The following PRORP variants were observed in gnomAD, a reference collection of about 807,000 sequenced individuals.
The protein encoded by PRORP is protein only RNase P catalytic subunit.
In PRORP, 51 loss-of-function variants were observed where a neutral mutation model predicts 59.4. The ratio of observed to expected loss-of-function variants is 0.86; its 90% CI spans 0.69 to 1.08. The LOEUF (loss-of-function observed/expected upper bound fraction) is 1.08. PRORP is among the 50% of genes least tolerant of loss of function. The probability of loss-of-function intolerance (pLI) is 0.00; values close to 1 mark genes in which losing one functional copy is unlikely to be tolerated. For missense variants in PRORP, 646 were observed against 690.3 expected, an observed-to-expected ratio of 0.94 and a Z score of 0.72; for synonymous variants, 231 against 245.6, an observed-to-expected ratio of 0.94 and a Z score of 0.55.
At chr14:35,235,633 C>G (rs1013569570) in intron 5 of PRORP, 27 of 456,044 alleles carry the variant, frequency 5.9e-5, no homozygotes, top group Non-Finnish European at 1.1e-4. Context: ...CCTGGACAAA[C>G]AGCCTCTGCT....
chr14:35,127,662 G>T, intron 4 of PRORP, 51 bp downstream of exon 4: 2 of 1,600,524 alleles, frequency 1.2e-6, no homozygotes, highest in Non-Finnish European at 1.7e-6. Context: ...TAGAGCAGGG[G>T]TTAGCAATTT....
At chr14:35,201,744 C>T (rs61989543) in intron 5 of PRORP, among the ~76,000 whole-genome samples, 24,100 of 151,286 alleles carry the variant, frequency 0.16, 2,239 homozygotes, top group Middle Eastern at 0.24. Context: ...CTGCAACCTC[C>T]GCCTCCCAGT....
At chr14:35,148,940 A>G (rs1279266511) in intron 4 of PRORP, among the ~76,000 whole-genome samples, 13 of 94,612 alleles carry the variant, frequency 1.4e-4, no homozygotes, top group Admixed American at 7.4e-4. Context: ...TTTTTTTGAG[A>G]CGGAGTCTCG....
intron 5 of PRORP, among the ~76,000 whole-genome samples, chr14:35,242,023 G>A (rs896661579): frequency 2.6e-5 from 4 of 152,068 alleles, no homozygotes; most frequent in African/African-American, 7.2e-5. Flanking sequence ...ATATCCACCC[G>A]TGCTTCAGGT....
chr14:35,186,472 C>T (rs954076049), intron 5 of PRORP, among the ~76,000 whole-genome samples: 2 of 151,866 alleles, frequency 1.3e-5, no homozygotes, highest in Admixed American at 6.6e-5. Context: ...TATCCTATTC[C>T]AGGACATTTT....
rs181305215 is a variant in PRORP, at chr14:35,137,949, T to C, written c.1167+10338T>C. 9.4e-4 allele frequency among the ~76,000 whole-genome samples: 137 copies of C among 145,956 alleles called. 22 individuals are homozygous for C. The Middle Eastern group carries it at 0.014, about 15-fold the overall frequency. On this transcript the variant is annotated intron_variant, in intron 4 of 7. Coordinates refer to ENST00000534898, the MANE Select transcript of PRORP (RefSeq NM_014672.4). ...GTTTTGGTTGGTTGGTTGTTTTTTTTCCTCACCATTTGTATTAATTTGCTA... is the reference window on the plus strand; with the variant it reads ...GTTTTGGTTGGTTGGTTGTTTTTTTCCCTCACCATTTGTATTAATTTGCTA...
intron 5 of PRORP, among the ~76,000 whole-genome samples, chr14:35,242,431 T>G (rs2050390263): frequency 6.6e-6 from 1 of 152,174 alleles, no homozygotes. Flanking sequence ...TGAGTATTGT[T>G]TTTCTTCCTT....
chr14:35,243,561 G>A (rs2050415287), intron 5 of PRORP, among the ~76,000 whole-genome samples: 2 of 151,824 alleles, frequency 1.3e-5, no homozygotes, highest in African/African-American at 4.8e-5. Context: ...ATAAGGGACA[G>A]GTTTAATAAG....
At chr14:35,260,656 A>G (rs2050879753) in intron 5 of PRORP, among the ~76,000 whole-genome samples, 1 of 152,230 alleles carries the variant, frequency 6.6e-6, no homozygotes, top group Admixed American at 6.5e-5. Flanking sequence ...TTGCATAGCA[A>G]CAGTCATGTG....
At chr14:35,216,254 T>A (rs887633252) in intron 5 of PRORP, among the ~76,000 whole-genome samples, 6 of 150,976 alleles carry the variant, frequency 4.0e-5, no homozygotes, top group African/African-American at 1.5e-4. Flanking sequence ...ATATATAAAT[T>A]ATGTGTGCGT....
At chr14:35,226,372 C>T (rs1281439370) in intron 5 of PRORP, among the ~76,000 whole-genome samples, 1 of 152,230 alleles carries the variant, frequency 6.6e-6, no homozygotes, top group Non-Finnish European at 1.5e-5. Context: ...AATGTTTAGG[C>T]AAAGAGCTAA....
chr14:35,175,975 C>T (rs1033407410), intron 4 of PRORP, among the ~76,000 whole-genome samples: 2 of 152,066 alleles, frequency 1.3e-5, no homozygotes, highest in Non-Finnish European at 2.9e-5. Flanking sequence ...CCAGTTTTCC[C>T]AGCACCATTT....
At chr14:35,159,744 A>T (rs2138942443) in intron 4 of PRORP, among the ~76,000 whole-genome samples, 1 of 152,302 alleles carries the variant, frequency 6.6e-6, no homozygotes, top group Non-Finnish European at 1.5e-5. Flanking sequence ...TCTCTCCTTG[A>T]CAAATGAGGA....
At chr14:35,147,159 A>G (rs558249555) in intron 4 of PRORP, among the ~76,000 whole-genome samples, 312 of 152,280 alleles carry the variant, frequency 2.0e-3, no homozygotes, top group African/African-American at 7.2e-3. Context: ...CAATAGCATT[A>G]TGTCTAAAAA....
intron 5 of PRORP, among the ~76,000 whole-genome samples, chr14:35,183,424 A>G (rs2048668367): frequency 6.6e-6 from 1 of 152,166 alleles, no homozygotes; most frequent in African/African-American, 2.4e-5. Flanking sequence ...CATTCTTGAT[A>G]AATATTTTAA....
At chr14:35,155,084 G>A (rs909031366) in intron 4 of PRORP, among the ~76,000 whole-genome samples, 2 of 151,986 alleles carry the variant, frequency 1.3e-5, no homozygotes, top group Non-Finnish European at 1.5e-5. Context: ...TGTAGAGAGG[G>A]GGTTTCACCA....
chr14:35,180,702 T>C lies in PRORP; in HGVS notation c.1200T>C (p.Ser400=). The change falls in exon 5 of 8, where the codon TCT becomes TCC. Residue 400 remains serine (S), a synonymous_variant. Transcript: ENST00000534898. ...ELKRFENFIK[S]RPPFDVVIDG... is the part of the protein sequence containing the mutation. Reference sequence around the variant, plus strand: ...AGAGATTTGAGAACTTCATAAAATCTCGTCCTCCTTTTGATGTTGTCATTG... The same window carrying C: ...AGAGATTTGAGAACTTCATAAAATCCCGTCCTCCTTTTGATGTTGTCATTG... 6.2e-7 allele frequency: 1 copy of C among 1,612,706 alleles called. No individual in the cohort carries two copies. Among genetic ancestry groups the C allele is most frequent in the Non-Finnish European group, 8.5e-7 (1 of 1,179,042 alleles).
chr14:35,124,716 T>C (rs1179379324), intron 2 of PRORP, among the ~76,000 whole-genome samples: 3 of 147,310 alleles, frequency 2.0e-5, no homozygotes, highest in South Asian at 2.2e-4. Flanking sequence ...TAGTATGATG[T>C]GAGTACTTAA....
At chr14:35,271,156 C>CTTTT (rs762721923) in intron 7 of PRORP, among the ~76,000 whole-genome samples, 38 of 114,572 alleles carry the variant, frequency 3.3e-4, no homozygotes, top group Non-Finnish European at 5.0e-4. Context: ...ATTATGACTT[C>CTTTT]TTTTTTTTTT....
Sources: allele counts gnomAD v4.1 joint callset (sites outside exome capture counted in the v4.1 genomes callset), GRCh38; gene constraint gnomAD v4.1.1; transcripts MANE v1.5; gene names NCBI Gene and HGNC (gene_info 2026-07-23, HGNC 2026-07-21).